The following SAMSN1 variants were observed in gnomAD, a reference collection of about 807,000 sequenced individuals.
The protein encoded by SAMSN1 is SAM domain-containing protein SAMSN-1.
Under a neutral mutation model 42.0 loss-of-function variants are expected in SAMSN1, and 31 were observed. That is an observed-to-expected ratio of 0.74 (90% CI 0.55 to 1.00). The LOEUF is 1.00. Ranked by LOEUF, SAMSN1 falls within the 50% of genes least tolerant of loss-of-function variation. The pLI is 0.00. For missense variants in SAMSN1, 464 were observed against 439.4 expected (o/e 1.06, Z -0.50); for synonymous variants, 178 against 151.9 (o/e 1.17, Z -1.26).
At chr21:14,584,006 T>TTTC (rs777348574), upstream of SAMSN1, among the ~76,000 whole-genome samples, 249 of 151,994 alleles carry the variant, frequency 1.6e-3, 1 homozygote, top group Non-Finnish European at 3.0e-3. Flanking sequence ...ACCATTTTTT[T>TTTC]TTTTTACTTC....
intron 7 of SAMSN1, among the ~76,000 whole-genome samples, chr21:14,492,142 C>T (rs1488136301): frequency 6.6e-6 from 1 of 152,044 alleles, no homozygotes; most frequent in African/African-American, 2.4e-5. Flanking sequence ...GCATTCGTAT[C>T]TTGAATTTTG....
At chr21:14,608,741 C>T (rs928561963) in intron 5 of SAMSN1, among the ~76,000 whole-genome samples, 1 of 152,116 alleles carries the variant, frequency 6.6e-6, no homozygotes, top group African/African-American at 2.4e-5. Flanking sequence ...TAGAATAGGG[C>T]ACTAGGCAAA....
At chr21:14,590,510 T>C (rs1485572950) in intron 7 of SAMSN1, among the ~76,000 whole-genome samples, 4 of 152,174 alleles carry the variant, frequency 2.6e-5, no homozygotes, top group Non-Finnish European at 5.9e-5. Context: ...CTTGAACTCC[T>C]GGCTTTAACC....
chr21:14,643,193 T>C, intron 1 of SAMSN1: 1 of 703,112 alleles, frequency 1.4e-6, no homozygotes, highest in Middle Eastern at 2.4e-4. Context: ...CTTTAAAAGG[T>C]ACCTAATTTA....
chr21:14,553,236 A>G (rs899884979), intron 2 of SAMSN1, among the ~76,000 whole-genome samples: 5 of 152,122 alleles, frequency 3.3e-5, no homozygotes, highest in Admixed American at 3.3e-4. Context: ...TGGTATAAAT[A>G]ATATTATTCA....
chr21:14,605,292 A>G (rs926158102), intron 5 of SAMSN1, among the ~76,000 whole-genome samples: 1 of 152,256 alleles, frequency 6.6e-6, no homozygotes, highest in Non-Finnish European at 1.5e-5. Flanking sequence ...CGTTGAATTC[A>G]GAAAGCCTTC....
chr21:14,568,380 G>C (rs1340755945), intron 2 of SAMSN1, among the ~76,000 whole-genome samples: 1 of 152,138 alleles, frequency 6.6e-6, no homozygotes, highest in Admixed American at 6.5e-5. Context: ...AGTGTGGAAA[G>C]GCGACTGGAA....
chr21:14,642,766 T>C (rs1983625382), intron 2 of SAMSN1, among the ~76,000 whole-genome samples: 1 of 152,220 alleles, frequency 6.6e-6, no homozygotes, highest in Admixed American at 6.5e-5. Context: ...TAAGGTTGCT[T>C]TGAGGATTGT....
intron 1 of SAMSN1, among the ~76,000 whole-genome samples, chr21:14,522,120 T>A (rs1408664025): frequency 6.6e-6 from 1 of 152,220 alleles, no homozygotes; most frequent in African/African-American, 2.4e-5. Flanking sequence ...ATTCACTGGT[T>A]TTGAGAAAAA....
At chr21:14,505,423 C>T (rs1468664919) in intron 5 of SAMSN1, among the ~76,000 whole-genome samples, 1 of 152,080 alleles carries the variant, frequency 6.6e-6, no homozygotes, top group African/African-American at 2.4e-5. Context: ...TTCAAATGGA[C>T]ACCAAAAGTG....
At chr21:14,653,027 CA>C (rs1396130644) in intron 1 of SAMSN1, among the ~76,000 whole-genome samples, 1 of 151,948 alleles carries the variant, frequency 6.6e-6, no homozygotes, top group Non-Finnish European at 1.5e-5. Flanking sequence ...ATCCAAAACA[CA>C]GGCACTAGTA....
At chr21:14,569,990 C>CG (rs368774943) in intron 2 of SAMSN1, among the ~76,000 whole-genome samples, 4 of 151,628 alleles carry the variant, frequency 2.6e-5, no homozygotes, top group African/African-American at 4.9e-5. Flanking sequence ...ACTTTCCCCC[C>CG]CCCCAGTTTT....
At chr21:14,533,552 A>G (rs997426053) in intron 1 of SAMSN1, among the ~76,000 whole-genome samples, 1 of 152,198 alleles carries the variant, frequency 6.6e-6, no homozygotes, top group African/African-American at 2.4e-5. Context: ...TCACGTCTCT[A>G]TGTCCAGGGT....
At chr21:14,532,300 A>T (rs1481550565) in intron 1 of SAMSN1, among the ~76,000 whole-genome samples, 1 of 152,224 alleles carries the variant, frequency 6.6e-6, no homozygotes, top group Non-Finnish European at 1.5e-5. Context: ...CCATCCCAGG[A>T]AGCACCCACT....
chr21:14,642,148 C>T (rs1371774288), intron 2 of SAMSN1, among the ~76,000 whole-genome samples: 3 of 151,994 alleles, frequency 2.0e-5, no homozygotes, highest in Admixed American at 6.6e-5. Context: ...GCAGTTGTGG[C>T]GAAAGAAAAT....
At chr21:14,528,835 C>T (rs1282556173) in intron 1 of SAMSN1, among the ~76,000 whole-genome samples, 2 of 152,192 alleles carry the variant, frequency 1.3e-5, no homozygotes, top group African/African-American at 4.8e-5. Context: ...GCTTGCTCCA[C>T]ATTGCCATGA....
chr21:14,539,099 T>C (rs1163785209), intron 1 of SAMSN1, among the ~76,000 whole-genome samples: 1 of 152,224 alleles, frequency 6.6e-6, no homozygotes, highest in Non-Finnish European at 1.5e-5. Flanking sequence ...GTTCTACCTT[T>C]AGGTAACAAT....
intron 2 of SAMSN1, among the ~76,000 whole-genome samples, chr21:14,558,865 C>T (rs1238074803): frequency 3.9e-5 from 6 of 152,146 alleles, no homozygotes; most frequent in African/African-American, 1.4e-4. Context: ...TAACAGCTTT[C>T]CTGTGAAGTA....
At chr21:14,575,147 G>A (rs996006770) in intron 2 of SAMSN1, among the ~76,000 whole-genome samples, 9 of 152,098 alleles carry the variant, frequency 5.9e-5, no homozygotes, top group African/African-American at 1.9e-4. Context: ...TTTGCTAAAT[G>A]AGTGAATGAA....
Sources: gnomAD v4.1 joint callset for allele counts (sites outside exome capture counted in the v4.1 genomes callset) on GRCh38, gnomAD v4.1.1 for gene constraint, MANE v1.5 for transcripts, NCBI Gene and HGNC (gene_info 2026-07-23, HGNC 2026-07-21) for gene names.